The following ATP5F1A variants were observed in gnomAD, a reference collection of about 807,000 sequenced individuals.
The protein encoded by ATP5F1A is ATP synthase F(1) complex subunit alpha, mitochondrial.
In ATP5F1A, 24 loss-of-function variants were observed where a neutral mutation model predicts 57.4. The ratio of observed to expected loss-of-function variants is 0.42; its 90% CI spans 0.30 to 0.59. The LOEUF (loss-of-function observed/expected upper bound fraction) is 0.59, where lower values mean the gene tolerates loss of function less well. Ranked by LOEUF, ATP5F1A falls within the 20% of genes least tolerant of loss-of-function variation. The pLI is 0.19. For missense variants in ATP5F1A, 494 were observed against 707.9 expected (o/e 0.70, Z 3.43); for synonymous variants, 251 against 255.5 (o/e 0.98, Z 0.17).
intron 8 of ATP5F1A, 168 bp downstream of exon 8, chr18:46,086,840 C>A (rs1910136478): frequency 1.4e-6 from 1 of 716,288 alleles, no homozygotes; most frequent in Non-Finnish European, 2.3e-6. Flanking sequence ...GTGACAGATA[C>A]ATGGGGTTTC....
At chr18:46,099,021 T>TA (rs1911180573), upstream of ATP5F1A, among the ~76,000 whole-genome samples, 1 of 150,330 alleles carries the variant, frequency 6.7e-6, no homozygotes, top group Non-Finnish European at 1.5e-5. Flanking sequence ...GGATGATAGT[T>TA]ACAGCAAACC....
chr18:46,091,887 TC>T lies in ATP5F1A; in HGVS notation c.140-37del. Reference sequence around the variant, plus strand: ...CAATTCAATTCAATTAAAAAAATAATCTGGGCCAGGCACAGTGGCTCACAGC... The same window carrying T: ...CAATTCAATTCAATTAAAAAAATAATTGGGCCAGGCACAGTGGCTCACAGC... On this transcript the variant is annotated intron_variant, in intron 2 of 11. Coordinates refer to ENST00000398752, the MANE Select transcript of ATP5F1A (RefSeq NM_004046.6). The T allele has an allele frequency of 1.9e-6, 3 of 1,590,706 alleles. No homozygotes were observed. In the South Asian group the frequency reaches 3.4e-5, roughly 18 times the overall value.
upstream of ATP5F1A, among the ~76,000 whole-genome samples, chr18:46,103,021 G>A (rs2144235053): frequency 6.6e-6 from 1 of 152,214 alleles, no homozygotes; most frequent in East Asian, 1.9e-4. Flanking sequence ...ATCATTTTAG[G>A]CTGGGTGTGT....
At chr18:46,104,140 G>T (rs1436246411) in exon 1 of ATP5F1A, 2 of 390,486 alleles carry the variant, frequency 5.1e-6, no homozygotes, top group Non-Finnish European at 9.1e-6. Flanking sequence ...AAACAACCTG[G>T]TTCTAGGCGG....
chr18:46,092,602 T>TCA (rs930725108), intron 2 of ATP5F1A, among the ~76,000 whole-genome samples: 7 of 129,580 alleles, frequency 5.4e-5, no homozygotes, highest in African/African-American at 2.0e-4. Flanking sequence ...AGTGAGACTA[T>TCA]CACACACACA....
At chr18:46,086,716 T>C in intron 8 of ATP5F1A, 1 of 596,564 alleles carries the variant, frequency 1.7e-6, no homozygotes. Context: ...TATACTGAAA[T>C]ACATACAAAT....
In ATP5F1A at chr18:46,086,393, C is replaced by T; in HGVS notation, c.1278G>A (p.Met426Ile). Residue 426 changes from methionine to isoleucine, a missense_variant, in exon 9 of 12, where the codon ATG (methionine) becomes ATA (isoleucine). Physicochemically the swap from Met to Ile is conservative, Grantham distance 10 (BLOSUM62 1). Coordinates refer to ENST00000398752, the MANE Select transcript of ATP5F1A (RefSeq NM_004046.6). The stretch of plus-strand genomic sequence containing the variant: ...CAAAGTGATGCAAAATTACCTGCTT[C>T]ATAGCCCTGGTTTGGGCAGCGGATC... ...RVGSAAQTRA[M>I]KQVAGTMKLE... is the part of the protein sequence containing the mutation. 1.2e-6 allele frequency: 2 copies of T among 1,614,168 alleles called. No individual in the cohort carries two copies. Among genetic ancestry groups the T allele is most frequent in the Non-Finnish European group, 1.7e-6 (2 of 1,180,034 alleles).
intron 2 of ATP5F1A, chr18:46,094,835 C>T (rs1309518889): frequency 1.7e-6 from 1 of 602,364 alleles, no homozygotes; most frequent in Admixed American, 4.2e-5. Flanking sequence ...AGAAGCCATA[C>T]TAATATCAAA....
Position 46,087,123 on chromosome 18 carries a change from T to A in ATP5F1A, c.1061A>T (p.Lys354Ile). The change falls in exon 8 of 12, where the codon AAA (lysine) becomes ATA (isoleucine). Residue 354 changes from lysine to isoleucine, a missense_variant. Physicochemically the swap from Lys to Ile is moderately radical, Grantham distance 102 (BLOSUM62 -3). This residue lies in a region of ATP5F1A where 15 missense variants were observed against 16.3 expected (regional missense o/e 0.92). Coordinates refer to ENST00000398752, the MANE Select transcript of ATP5F1A (RefSeq NM_004046.6). ...GCCACCACCAAAAGCATCGTTCATT[T>A]TGGCTGCTCTCTCCAGCAACCGGGA... The part of the protein sequence containing the change: ...LHSRLLERAA[K>I]MNDAFGGGSL... The A allele has an allele frequency of 6.2e-7, 1 of 1,614,128 alleles. No homozygotes were observed. The highest frequency in any genetic ancestry group is 8.5e-7 in the Non-Finnish European group (1 of 1,179,956).
Position 46,084,020 on chromosome 18 carries a change from C to G in ATP5F1A, c.*262G>C. On this transcript the variant is annotated 3_prime_UTR_variant, in exon 12 of 12. Transcript: ENST00000398752. Reference sequence around the variant, plus strand: ...ACAAAAAAAAAACTTACAAAGAGCTCAGCCTTGAATTATCTAGCCCAGTTG... The same window carrying G: ...ACAAAAAAAAAACTTACAAAGAGCTGAGCCTTGAATTATCTAGCCCAGTTG... The G allele has an allele frequency of 3.3e-6, 1 of 303,172 alleles. No individual in the cohort carries two copies. Among genetic ancestry groups the G allele is most frequent in the Non-Finnish European group, 6.0e-6 (1 of 167,650 alleles). 18.8% of individuals were successfully genotyped at this position (303,172 alleles called of 1,614,324 possible). A position where few individuals can be genotyped will look rare whatever the true frequency, so the allele number is the denominator to read the frequency against.
Position 46,087,333 on chromosome 18 carries a change from C to T in ATP5F1A, c.951+8G>A, listed in dbSNP as rs1327138308. ...ATAAATGGATTCTAAAAATTTATTT[C>T]CTTTGACCTGTTTGGATAAGTCGTC... On this transcript the variant is annotated splice_region_variant and intron_variant, in intron 7 of 11. Transcript: ENST00000398752. 1 of 1,613,730 alleles carries T rather than the reference C, an allele frequency of 6.2e-7. No homozygotes were observed. Among genetic ancestry groups the T allele is most frequent in the South Asian group, 1.1e-5 (1 of 91,030 alleles).
chr18:46,098,418 T>A (rs938243017), upstream of ATP5F1A: 36 of 1,365,856 alleles, frequency 2.6e-5, no homozygotes, highest in African/African-American at 5.2e-4. Flanking sequence ...GTTACTTATT[T>A]TTTTATGTAA....
chr18:46,097,597 G>A (rs1457202819), intron 1 of ATP5F1A, among the ~76,000 whole-genome samples: 3 of 152,154 alleles, frequency 2.0e-5, no homozygotes, highest in Admixed American at 2.0e-4. Flanking sequence ...CTTTGCACCT[G>A]CAGGACGTTT....
At chr18:46,089,148 G>C (rs1223673368) in intron 5 of ATP5F1A, among the ~76,000 whole-genome samples, 1 of 152,000 alleles carries the variant, frequency 6.6e-6, no homozygotes, top group Non-Finnish European at 1.5e-5. Flanking sequence ...TCAGAGACCA[G>C]TGGCGGCATG....
intron 5 of ATP5F1A, among the ~76,000 whole-genome samples, chr18:46,088,854 T>C (rs949865127): frequency 2.0e-5 from 3 of 151,896 alleles, no homozygotes; most frequent in African/African-American, 7.3e-5. Context: ...AACCCAATCG[T>C]ACATTCTATT....
At chr18:46,104,015 G>A (rs189967947) in intron 1 of ATP5F1A, 1 of 188,274 alleles carries the variant, frequency 5.3e-6, no homozygotes, top group African/African-American at 2.3e-5. Flanking sequence ...ATTCTGAGTG[G>A]ATGCAATCAA....
At chr18:46,088,935 C>A (rs935849669) in intron 5 of ATP5F1A, among the ~76,000 whole-genome samples, 1 of 151,984 alleles carries the variant, frequency 6.6e-6, no homozygotes, top group Admixed American at 6.6e-5. Context: ...CTCTTTACTG[C>A]ACTGAGATGT....
rs986049086 is a variant in ATP5F1A, at chr18:46,081,878, C to T, written c.*2404G>A. On this transcript the variant is annotated 3_prime_UTR_variant, in exon 12 of 12. Coordinates refer to ENST00000398752, the MANE Select transcript of ATP5F1A (RefSeq NM_004046.6). ...ACTTATGAGTACTTTAAGAACTCTC[C>T]TTTTCCTACCAAAGATATTGGAGCC... 1 of 151,818 alleles carries T rather than the reference C, an allele frequency of 6.6e-6. No individual in the cohort carries two copies. The highest frequency in any genetic ancestry group is 2.4e-5 in the African/African-American group (1 of 41,354). The allele number at this position is 151,818 out of a possible 1,614,324, so 9.4% of individuals were successfully genotyped here. A position where few individuals can be genotyped will look rare whatever the true frequency, so the allele number is the denominator to read the frequency against.
upstream of ATP5F1A, among the ~76,000 whole-genome samples, chr18:46,100,378 G>T (rs2144231131): frequency 6.6e-6 from 1 of 152,154 alleles, no homozygotes; most frequent in Middle Eastern, 3.4e-3. Flanking sequence ...TGCCATTCAG[G>T]GCATACACAC....
Sources: gnomAD v4.1 joint callset for allele counts (sites outside exome capture counted in the v4.1 genomes callset) on GRCh38, gnomAD v4.1.1 for gene constraint, gnomAD v4.1.1 regional missense constraint, MANE v1.5 for transcripts, NCBI Gene and HGNC (gene_info 2026-07-23, HGNC 2026-07-21) for gene names.